Variants in ADCY8 observed in about 807,000 individuals in gnomAD.
ADCY8 encodes adenylate cyclase type 8.
A neutral mutation model predicts 119.7 loss-of-function variants in ADCY8; 51 were observed. The ratio of observed to expected loss-of-function variants is 0.43; its 90% CI spans 0.34 to 0.54. ADCY8 has a LOEUF of 0.54. Among genes scored for constraint, ADCY8 ranks in the 20% least tolerant of loss-of-function variants. The probability of loss-of-function intolerance (pLI) is 0.03; values close to 1 mark genes in which losing one functional copy is unlikely to be tolerated. For missense variants in ADCY8, 1,383 were observed against 1,598.8 expected, an observed-to-expected ratio of 0.87 and a Z score of 2.30; for synonymous variants, 665 against 651.0, an observed-to-expected ratio of 1.02 and a Z score of -0.33.
In ADCY8 at chr8:130,841,302, G is replaced by A. The variant is rs559814053; in HGVS notation, c.2503-4853C>T. Among the ~76,000 whole-genome samples the A allele has an allele frequency of 2.0e-5, 3 of 152,264 alleles. No individual in the cohort carries two copies. In the South Asian group the frequency reaches 6.2e-4, roughly 32 times the overall value. ...TCTTGGGTCCACTTTAAAGAAGAGAGGAAGTATATGTAACACTTTTCTTCT... is the reference window on the plus strand; with the variant it reads ...TCTTGGGTCCACTTTAAAGAAGAGAAGAAGTATATGTAACACTTTTCTTCT... On this transcript the variant is annotated intron_variant, in intron 11 of 17. Coordinates refer to ENST00000286355, the MANE Select transcript of ADCY8 (RefSeq NM_001115.3).
chr8:130,840,875 A>G (rs1817119138), intron 11 of ADCY8, among the ~76,000 whole-genome samples: 1 of 152,242 alleles, frequency 6.6e-6, no homozygotes, highest in South Asian at 2.1e-4. Flanking sequence ...TCTCTGATAC[A>G]GGAAGCAGAC....
chr8:130,908,512 A>C (rs1819862835), intron 6 of ADCY8, among the ~76,000 whole-genome samples: 1 of 120,394 alleles, frequency 8.3e-6, no homozygotes, highest in Non-Finnish European at 1.9e-5. Context: ...CACAGTGTAC[A>C]AAAAAAAGCG....
At chr8:130,966,091 AC>A (rs1219293288) in intron 2 of ADCY8, among the ~76,000 whole-genome samples, 5 of 152,180 alleles carry the variant, frequency 3.3e-5, no homozygotes, top group Non-Finnish European at 7.3e-5. Flanking sequence ...TCATTAGTAA[AC>A]TGGGATGACT....
intron 1 of ADCY8, among the ~76,000 whole-genome samples, chr8:131,028,297 C>T (rs1407247817): frequency 3.9e-5 from 6 of 152,242 alleles, no homozygotes; most frequent in Non-Finnish European, 4.4e-5. Flanking sequence ...TTGGGCAGGG[C>T]CCAAAGAGCT....
intron 15 of ADCY8, among the ~76,000 whole-genome samples, chr8:130,791,398 G>A (rs919426261): frequency 8.5e-5 from 13 of 152,320 alleles, no homozygotes; most frequent in South Asian, 4.2e-4. Flanking sequence ...GCCGGTAAGC[G>A]GAGTGGGCTG....
chr8:130,846,605 CCCTTCCTTCCTTTTCCTTCCTTCCTTCT>C (rs1442866741), intron 11 of ADCY8, among the ~76,000 whole-genome samples: 1,486 of 131,348 alleles, frequency 0.011, 29 homozygotes, highest in African/African-American at 0.04. Context: ...CTTCCTCCCT[CCCTTCCTTCCTTTTCCTTCCTTCCTTCT>C]CCTTCCTTCC....
intron 7 of ADCY8, among the ~76,000 whole-genome samples, chr8:130,900,379 G>C (rs563019873): frequency 5.3e-5 from 8 of 152,252 alleles, no homozygotes; most frequent in Middle Eastern, 3.4e-3. Context: ...TACTGAAATG[G>C]GTAGAGGGAA....
chr8:130,988,362 A>G (rs534947362), intron 2 of ADCY8, among the ~76,000 whole-genome samples: 3 of 152,286 alleles, frequency 2.0e-5, no homozygotes, highest in Admixed American at 6.5e-5. Flanking sequence ...ACACAGGACT[A>G]AAAGAAGCCT....
At chr8:130,859,397 A>C (rs1817853891) in intron 9 of ADCY8, among the ~76,000 whole-genome samples, 1 of 152,222 alleles carries the variant, frequency 6.6e-6, no homozygotes, top group Non-Finnish European at 1.5e-5. Flanking sequence ...GTTTAGTTCC[A>C]GTATACCTAT....
At chr8:130,991,116 C>A (rs567919936) in intron 1 of ADCY8, among the ~76,000 whole-genome samples, 2 of 152,346 alleles carry the variant, frequency 1.3e-5, no homozygotes, top group South Asian at 2.1e-4. Flanking sequence ...TCAAAATATG[C>A]TTCCTGGACT....
chr8:131,011,101 ATCT>A (rs1823286707), intron 1 of ADCY8, among the ~76,000 whole-genome samples: 1 of 152,148 alleles, frequency 6.6e-6, no homozygotes, highest in Non-Finnish European at 1.5e-5. Context: ...TGTGCCTCGA[ATCT>A]AGGATAGACG....
In ADCY8 at chr8:130,801,899, C is replaced by CTTTT. The variant is rs34853195; in HGVS notation, c.2914-1331_2914-1328dup. Among the ~76,000 whole-genome samples the CTTTT allele has an allele frequency of 5.4e-3, 523 of 97,746 alleles. 8 individuals are homozygous for CTTTT. The highest frequency in any genetic ancestry group is 0.017 in the East Asian group (46 of 2,696). The allele number at this position is 97,746 out of a possible 152,430, so 64.1% of individuals were successfully genotyped here. On this transcript the variant is annotated intron_variant, in intron 14 of 17. Transcript: ENST00000286355. ...TCATGCCTGGCCCCTTTGAGAATGC[C>CTTTT]TTTTTTTTTTTTTTTTTTTTGCTTC...
Position 130,780,719 on chromosome 8 carries a change from G to C in ADCY8, c.3427C>G (p.Gln1143Glu), listed in dbSNP as rs763528636. The change falls in exon 18 of 18, where the codon CAG becomes GAG. Residue 1143 changes from glutamine to glutamate, a missense_variant. Physicochemically the swap from Gln to Glu is conservative, Grantham distance 29 (BLOSUM62 2). Around this residue, in one of 2 missense-constraint regions of ADCY8, gnomAD observed 928 missense variants for 1,163.5 expected, o/e 0.80. Coordinates refer to ENST00000286355, the MANE Select transcript of ADCY8 (RefSeq NM_001115.3). ...PEETYLILKD[Q>E]GFAFDYRGEI... is the part of the protein sequence containing the mutation. ...CCTCGGTAATCAAAGGCAAAGCCCTGGTCCTTCAGGATGAGATAGGTCTCC... is the reference window on the plus strand; with the variant it reads ...CCTCGGTAATCAAAGGCAAAGCCCTCGTCCTTCAGGATGAGATAGGTCTCC... 1.5e-5 allele frequency: 25 copies of C among 1,614,060 alleles called. No homozygotes were observed. Among genetic ancestry groups the C allele is most frequent in the African/African-American group, 2.7e-5 (2 of 74,934 alleles).
At chr8:130,973,613 G>T (rs113082283) in intron 2 of ADCY8, among the ~76,000 whole-genome samples, 1,844 of 152,306 alleles carry the variant, frequency 0.012, 46 homozygotes, top group African/African-American at 0.042. Context: ...AGTAAATGGT[G>T]ATTGCTTTAA....
chr8:130,901,512 TGGTCGG>T (rs1239538031), intron 7 of ADCY8, among the ~76,000 whole-genome samples: 4 of 152,140 alleles, frequency 2.6e-5, no homozygotes, highest in Non-Finnish European at 5.9e-5. Context: ...AACACTCAGA[TGGTCGG>T]GGCTTCCGTG....
At chr8:130,846,902 T>TCCTGCCTGCCTGCCTG (rs1294639332) in intron 11 of ADCY8, among the ~76,000 whole-genome samples, 1 of 89,302 alleles carries the variant, frequency 1.1e-5, no homozygotes, top group African/African-American at 4.3e-5. Context: ...CTTCCTTCCT[T>TCCTGCCTGCCTGCCTG]CCTTCCTTCC....
chr8:131,020,654 T>C (rs1355986139), intron 1 of ADCY8, among the ~76,000 whole-genome samples: 1 of 152,204 alleles, frequency 6.6e-6, no homozygotes, highest in Non-Finnish European at 1.5e-5. Flanking sequence ...ACTTCAAGAG[T>C]CAGAATCATA....
intron 4 of ADCY8, among the ~76,000 whole-genome samples, chr8:130,941,093 T>C (rs1166055119): frequency 6.6e-6 from 1 of 152,230 alleles, no homozygotes; most frequent in South Asian, 2.1e-4. Context: ...TCTAAAAAGT[T>C]AGAAATCCCA....
intron 7 of ADCY8, among the ~76,000 whole-genome samples, chr8:130,889,028 G>A (rs374958647): frequency 6.6e-6 from 1 of 152,088 alleles, no homozygotes; most frequent in Admixed American, 6.6e-5. Flanking sequence ...ACCCTTTAAA[G>A]CATCCTTACA....
Sources: gnomAD v4.1 joint callset for allele counts (sites outside exome capture counted in the v4.1 genomes callset) on GRCh38, gnomAD v4.1.1 for gene constraint, gnomAD v4.1.1 regional missense constraint, MANE v1.5 for transcripts, NCBI Gene and HGNC (gene_info 2026-07-23, HGNC 2026-07-21) for gene names.